Variants in ADAMTSL3 observed in about 807,000 individuals in gnomAD.
ADAMTSL3 encodes the protein ADAMTS-like protein 3.
ADAMTSL3 carries 128 observed loss-of-function variants against 201.7 expected under a neutral mutation model. That is an observed-to-expected ratio of 0.63 (90% CI 0.55 to 0.73). The LOEUF is 0.73. Among genes scored for constraint, ADAMTSL3 ranks in the 30% least tolerant of loss-of-function variants. The probability of loss-of-function intolerance (pLI) is 0.00; values close to 1 mark genes in which losing one functional copy is unlikely to be tolerated. For missense variants in ADAMTSL3, 1,990 were observed against 2,119.6 expected (o/e 0.94, Z 1.20); for synonymous variants, 738 against 748.4 (o/e 0.99, Z 0.23).
intron 7 of ADAMTSL3, among the ~76,000 whole-genome samples, chr15:83,843,326 G>A (rs2064422912): frequency 6.6e-6 from 1 of 152,076 alleles, no homozygotes; most frequent in African/African-American, 2.4e-5. Flanking sequence ...GAGTGACATG[G>A]TATAAGCCAG....
chr15:83,968,899 A>G (rs55781136), intron 19 of ADAMTSL3, among the ~76,000 whole-genome samples: 43,886 of 151,972 alleles, frequency 0.29, 6,705 homozygotes, highest in African/African-American at 0.36. Context: ...AAACTAACAC[A>G]GGAACAGAAA....
intron 4 of ADAMTSL3, 138 bp from the exon 5 acceptor site, chr15:83,804,512 T>C: frequency 4.9e-6 from 3 of 606,934 alleles, no homozygotes; most frequent in Non-Finnish European, 5.7e-6. Flanking sequence ...AATTAAACTT[T>C]GAATCTTTGG....
chr15:83,769,786 CTTTTTTTT>C (rs763339984), intron 3 of ADAMTSL3, among the ~76,000 whole-genome samples: 1 of 135,172 alleles, frequency 7.4e-6, no homozygotes, highest in African/African-American at 2.7e-5. Context: ...TTTAATTTTT[CTTTTTTTT>C]TTTTTTTGGT....
intron 16 of ADAMTSL3, among the ~76,000 whole-genome samples, chr15:83,916,735 C>T (rs992506795): frequency 6.6e-6 from 1 of 151,698 alleles, no homozygotes; most frequent in Non-Finnish European, 1.5e-5. Context: ...CTCTTGAGGC[C>T]AGGAGTTGGA....
intron 2 of ADAMTSL3, among the ~76,000 whole-genome samples, chr15:83,678,738 TA>T (rs200971053): frequency 0.014 from 1,975 of 141,968 alleles, 54 homozygotes; most frequent in African/African-American, 0.047. Flanking sequence ...ATATATTGCC[TA>T]ATATATATAT....
intron 4 of ADAMTSL3, among the ~76,000 whole-genome samples, chr15:83,800,219 A>T (rs1345092143): frequency 6.6e-6 from 1 of 152,204 alleles, no homozygotes; most frequent in Non-Finnish European, 1.5e-5. Context: ...TCACCATAAG[A>T]CATTGTTGAA....
At chr15:83,782,699 A>G (rs979007688) in intron 4 of ADAMTSL3, among the ~76,000 whole-genome samples, 17 of 152,240 alleles carry the variant, frequency 1.1e-4, no homozygotes, top group Admixed American at 4.6e-4. Context: ...ATACAGGGGA[A>G]CAACATTCAC....
At chr15:83,821,895 G>C (rs1157480895) in intron 6 of ADAMTSL3, among the ~76,000 whole-genome samples, 1 of 147,454 alleles carries the variant, frequency 6.8e-6, no homozygotes, top group East Asian at 2.1e-4. Flanking sequence ...CTCCCTCCCG[G>C]ATGGGGCGGC....
intron 16 of ADAMTSL3, among the ~76,000 whole-genome samples, chr15:83,921,170 G>A (rs546703886): frequency 6.6e-6 from 1 of 152,284 alleles, no homozygotes; most frequent in Non-Finnish European, 1.5e-5. Flanking sequence ...AAATTCTAGT[G>A]TGTGGAGTTG....
chr15:83,741,338 T>G (rs779739789), intron 3 of ADAMTSL3, among the ~76,000 whole-genome samples: 1 of 151,996 alleles, frequency 6.6e-6, no homozygotes, highest in Non-Finnish European at 1.5e-5. Context: ...AAAGGATGGT[T>G]TAAACTTCAG....
intron 4 of ADAMTSL3, among the ~76,000 whole-genome samples, chr15:83,794,117 TTACC>T (rs1411034286): frequency 6.6e-6 from 1 of 152,182 alleles, no homozygotes; most frequent in Non-Finnish European, 1.5e-5. Context: ...TAAGATATCA[TTACC>T]TACCTATCAG....
intron 7 of ADAMTSL3, among the ~76,000 whole-genome samples, chr15:83,845,169 A>C (rs555245308): frequency 6.6e-6 from 1 of 152,240 alleles, no homozygotes; most frequent in African/African-American, 2.4e-5. Flanking sequence ...TGACCACTCT[A>C]CGTAAAGTAG....
At chr15:83,934,188 C>T (rs1400922109) in intron 17 of ADAMTSL3, among the ~76,000 whole-genome samples, 1 of 152,190 alleles carries the variant, frequency 6.6e-6, no homozygotes, top group African/African-American at 2.4e-5. Flanking sequence ...GGGGGCTGTA[C>T]CCTGCAAAGC....
intron 3 of ADAMTSL3, among the ~76,000 whole-genome samples, chr15:83,736,390 T>G (rs2062370138): frequency 6.6e-6 from 1 of 152,178 alleles, no homozygotes; most frequent in African/African-American, 2.4e-5. Context: ...ATATGGCAAA[T>G]CTCATGAAAT....
chr15:83,864,309 A>G, intron 8 of ADAMTSL3, among the ~76,000 whole-genome samples: 1 of 152,302 alleles, frequency 6.6e-6, no homozygotes, highest in Admixed American at 6.5e-5. Context: ...AGACACAACC[A>G]AAAAAGAGAA....
chr15:83,777,367 G>A (rs572537070), intron 4 of ADAMTSL3, among the ~76,000 whole-genome samples: 1 of 152,354 alleles, frequency 6.6e-6, no homozygotes, highest in South Asian at 2.1e-4. Flanking sequence ...CCATCAGAGT[G>A]TAATGACCGG....
chr15:83,855,053 T>C (rs973891976), intron 7 of ADAMTSL3, among the ~76,000 whole-genome samples: 6 of 152,140 alleles, frequency 3.9e-5, no homozygotes, highest in Non-Finnish European at 8.8e-5. Flanking sequence ...TGTGTGTGTG[T>C]GCATATGTGT....
intron 16 of ADAMTSL3, among the ~76,000 whole-genome samples, chr15:83,919,745 C>T (rs947813000): frequency 6.6e-6 from 1 of 151,980 alleles, no homozygotes; most frequent in Non-Finnish European, 1.5e-5. Flanking sequence ...AACAAGAAAG[C>T]TCTAGAATGA....
chr15:83,738,878 G>A (rs1567110903), intron 3 of ADAMTSL3, among the ~76,000 whole-genome samples: 1 of 151,348 alleles, frequency 6.6e-6, no homozygotes, highest in Non-Finnish European at 1.5e-5. Context: ...CCTGGGTGAT[G>A]GAGCAAGACT....
Sources: allele counts gnomAD v4.1 joint callset (sites outside exome capture counted in the v4.1 genomes callset), GRCh38; gene constraint gnomAD v4.1.1; transcripts MANE v1.5; gene names NCBI Gene and HGNC (gene_info 2026-07-23, HGNC 2026-07-21).